ROBO2: variants seen among roughly 807,000 people sequenced by gnomAD.
ROBO2 encodes roundabout guidance receptor 2.
ROBO2 carries 53 observed loss-of-function variants against 160.8 expected under a neutral mutation model. That is an observed-to-expected ratio of 0.33 (90% CI 0.26 to 0.41). ROBO2 has a LOEUF of 0.41. ROBO2 is among the 10% of genes least tolerant of loss of function. ROBO2 has a pLI of 1.00. For missense variants in ROBO2, 1,577 were observed against 1,722.4 expected (o/e 0.92, Z 1.49); for synonymous variants, 664 against 611.7 (o/e 1.09, Z -1.26).
At chr3:77,335,710 G>A (rs1470141743) in intron 2 of ROBO2, among the ~76,000 whole-genome samples, 4 of 152,066 alleles carry the variant, frequency 2.6e-5, no homozygotes, top group South Asian at 2.1e-4. Flanking sequence ...TCTCTGATTC[G>A]GAGTAGCCAT....
At chr3:76,257,093 A>C (rs1035877516) in intron 2 of ROBO2, among the ~76,000 whole-genome samples, 1 of 152,030 alleles carries the variant, frequency 6.6e-6, no homozygotes, top group Non-Finnish European at 1.5e-5. Context: ...AACATTAGGG[A>C]TTACAGCTCA....
In ROBO2 at chr3:75,985,252, G is replaced by A. The variant is rs183386027; in HGVS notation, c.109+47650G>A. On this transcript the variant is annotated intron_variant, in intron 2 of 26. Coordinates refer to the ROBO2 transcript ENST00000487694. ...CTGCTTCAGACTTTGGCCAATATCCGTAAGTGAAGACAGAGGTGGTAACTT... is the reference window on the plus strand; with the variant it reads ...CTGCTTCAGACTTTGGCCAATATCCATAAGTGAAGACAGAGGTGGTAACTT... Among the ~76,000 whole-genome samples, 66 of 151,474 alleles carry A rather than the reference G, an allele frequency of 4.4e-4. No homozygotes were observed. The East Asian group carries it at 8.8e-3, about 20-fold the overall frequency.
At chr3:77,507,419 A>G (rs1386954926) in intron 5 of ROBO2, among the ~76,000 whole-genome samples, 4 of 152,092 alleles carry the variant, frequency 2.6e-5, no homozygotes, top group Admixed American at 1.3e-4. Flanking sequence ...TCGGAAATAC[A>G]TTTTACCAAT....
chr3:76,859,784 C>T (rs11716849), intron 2 of ROBO2, among the ~76,000 whole-genome samples: 18,897 of 152,088 alleles, frequency 0.12, 1,332 homozygotes, highest in East Asian at 0.24. Flanking sequence ...GGCAGTTAAC[C>T]ATTCTCTCTC....
intron 2 of ROBO2, among the ~76,000 whole-genome samples, chr3:77,360,210 A>G (rs1260650160): frequency 6.6e-6 from 1 of 151,338 alleles, no homozygotes; most frequent in Non-Finnish European, 1.5e-5. Flanking sequence ...TAAATATTCT[A>G]TTTGCAAATG....
chr3:76,031,940 G>C (rs539307933), intron 2 of ROBO2, among the ~76,000 whole-genome samples: 1 of 152,258 alleles, frequency 6.6e-6, no homozygotes, highest in East Asian at 1.9e-4. Flanking sequence ...AGAAGGAATG[G>C]TACCAGCTCC....
At position 76,246,898 on chromosome 3, in the gene ROBO2, G is replaced by A. The variant is rs138940234; in HGVS notation, c.109+309296G>A. Among the ~76,000 whole-genome samples the A allele has an allele frequency of 3.3e-5, 5 of 152,136 alleles. No homozygotes were observed. In the East Asian group the frequency reaches 9.7e-4, roughly 29 times the overall value. ...ATTGCAATTTGAACTTTGGAATTAGGAACACAGTTAAAATTGATGACCCTG... is the reference window on the plus strand; with the variant it reads ...ATTGCAATTTGAACTTTGGAATTAGAAACACAGTTAAAATTGATGACCCTG... On this transcript the variant is annotated intron_variant, in intron 2 of 26. Transcript: ENST00000487694.
At chr3:77,586,545 C>T (rs2094054686) in intron 16 of ROBO2, among the ~76,000 whole-genome samples, 1 of 151,994 alleles carries the variant, frequency 6.6e-6, no homozygotes, top group African/African-American at 2.4e-5. Flanking sequence ...ACACACATCC[C>T]TTGTCTATGC....
chr3:77,141,520 C>T (rs1247635579), intron 2 of ROBO2, among the ~76,000 whole-genome samples: 1 of 152,174 alleles, frequency 6.6e-6, no homozygotes, highest in Non-Finnish European at 1.5e-5. Context: ...TGTTTTCTCA[C>T]TTTTCTTACA....
At chr3:76,075,488 A>G (rs919370635) in intron 2 of ROBO2, among the ~76,000 whole-genome samples, 4 of 73,814 alleles carry the variant, frequency 5.4e-5, no homozygotes, top group Non-Finnish European at 1.1e-4. Flanking sequence ...TTTTTTTGCT[A>G]GGGTTCCTGT....
At chr3:76,402,838 G>A (rs1305272599) in intron 2 of ROBO2, among the ~76,000 whole-genome samples, 1 of 151,622 alleles carries the variant, frequency 6.6e-6, no homozygotes, top group East Asian at 1.9e-4. Flanking sequence ...GAACTCATCT[G>A]ATTAGATTGG....
chr3:76,144,153 A>G (rs1270897308), intron 2 of ROBO2, among the ~76,000 whole-genome samples: 5 of 152,056 alleles, frequency 3.3e-5, no homozygotes, highest in African/African-American at 1.2e-4. Flanking sequence ...AAAATTAGTC[A>G]TCACAAGGGG....
At chr3:76,779,185 AGATTTACAC>A (rs1302863328) in intron 2 of ROBO2, among the ~76,000 whole-genome samples, 6 of 151,050 alleles carry the variant, frequency 4.0e-5, no homozygotes, top group African/African-American at 1.5e-4. Flanking sequence ...TATTGAAGTA[AGATTTACAC>A]ATAAAAAGTT....
chr3:77,164,374 G>A (rs1031680148), intron 2 of ROBO2, among the ~76,000 whole-genome samples: 4 of 97,964 alleles, frequency 4.1e-5, no homozygotes, highest in African/African-American at 1.1e-4. Context: ...CCTTTTTACC[G>A]TCCGGGAGGG....
chr3:77,521,416 T>A (rs767807027), intron 5 of ROBO2, among the ~76,000 whole-genome samples: 2 of 151,268 alleles, frequency 1.3e-5, no homozygotes, highest in African/African-American at 2.4e-5. Flanking sequence ...AAAATGTAAC[T>A]AAGTGCAGAA....
chr3:76,802,853 A>G (rs1244899324), intron 2 of ROBO2, among the ~76,000 whole-genome samples: 1 of 152,192 alleles, frequency 6.6e-6, no homozygotes, highest in Admixed American at 6.5e-5. Context: ...TTAGCTTAGT[A>G]AATATTTAGC....
At chr3:77,573,613 C>A (rs963487442) in intron 13 of ROBO2, among the ~76,000 whole-genome samples, 2 of 151,992 alleles carry the variant, frequency 1.3e-5, no homozygotes, top group Non-Finnish European at 2.9e-5. Context: ...GCTTTTAAAA[C>A]AAATGCTCTA....
At chr3:76,526,871 T>G (rs2081975600) in intron 2 of ROBO2, among the ~76,000 whole-genome samples, 1 of 152,116 alleles carries the variant, frequency 6.6e-6, no homozygotes, top group African/African-American at 2.4e-5. Flanking sequence ...TTGATTAGTT[T>G]CTGAGGAGAC....
chr3:77,037,664 A>G (rs1023793593), upstream of ROBO2, among the ~76,000 whole-genome samples: 1 of 151,988 alleles, frequency 6.6e-6, no homozygotes, highest in South Asian at 2.1e-4. Context: ...TCCCACACAC[A>G]CTCTTTCTGC....
Sources: gnomAD v4.1 joint callset for allele counts (sites outside exome capture counted in the v4.1 genomes callset) on GRCh38, gnomAD v4.1.1 for gene constraint, MANE v1.5 for transcripts, NCBI Gene and HGNC (gene_info 2026-07-23, HGNC 2026-07-21) for gene names.